The following TDRD9 variants were observed in gnomAD, a reference collection of about 807,000 sequenced individuals.
The protein encoded by TDRD9 is ATP-dependent RNA helicase TDRD9.
Under a neutral mutation model 172.6 loss-of-function variants are expected in TDRD9, and 124 were observed. The ratio of observed to expected loss-of-function variants is 0.72; its 90% confidence interval spans 0.62 to 0.83. The LOEUF is 0.83. Ranked by LOEUF, TDRD9 falls within the 40% of genes least tolerant of loss-of-function variation. The probability of loss-of-function intolerance (pLI) is 0.00; values close to 1 mark genes in which losing one functional copy is unlikely to be tolerated. For synonymous variants in TDRD9, 619 were observed against 617.1 expected (o/e 1.00, Z -0.05); for missense variants, 1,479 against 1,714.1 (o/e 0.86, Z 2.42).
At chr14:103,956,144 A>ATATATATATATATATATG (rs1178934138) in intron 2 of TDRD9, among the ~76,000 whole-genome samples, 17 of 80,864 alleles carry the variant, frequency 2.1e-4, no homozygotes, top group East Asian at 7.1e-4. Flanking sequence ...ATATATATAT[A>ATATATATATATATATATG]TATATAATTA....
intron 1 of TDRD9, among the ~76,000 whole-genome samples, chr14:103,943,294 A>G (rs768422646): frequency 2.6e-5 from 4 of 151,908 alleles, no homozygotes; most frequent in Non-Finnish European, 4.4e-5. Flanking sequence ...CCACAGGTGC[A>G]TGCTACGGCA....
At chr14:103,965,904 C>T (rs2032720893) in intron 4 of TDRD9, among the ~76,000 whole-genome samples, 1 of 151,860 alleles carries the variant, frequency 6.6e-6, no homozygotes, top group Admixed American at 6.6e-5. Flanking sequence ...AAGCTTGCGC[C>T]ACTGCACTCC....
intron 2 of TDRD9, among the ~76,000 whole-genome samples, chr14:103,961,142 A>G (rs1017880941): frequency 4.6e-5 from 7 of 152,200 alleles, no homozygotes; most frequent in African/African-American, 1.7e-4. Flanking sequence ...AAGAAGGCCT[A>G]GGTATATTAA....
chr14:104,004,266 C>T lies in TDRD9; in HGVS notation c.1512C>T (p.Tyr504=). The T allele has an allele frequency of 6.2e-7, 1 of 1,602,588 alleles. No individual in the cohort carries two copies. The change falls in exon 14 of 36, where the codon TAC becomes TAT. Residue 504 remains tyrosine, a synonymous_variant. Transcript: ENST00000409874. ...KGRAGRVSRG[Y]CYRLVHKDFW... ...GTGCTGGACGAGTGTCTAGAGGGTA[C>T]TGTTACCGGCTGGTACACAAGGATT...
intron 13 of TDRD9, among the ~76,000 whole-genome samples, chr14:104,001,471 G>T (rs1453836524): frequency 1.3e-5 from 2 of 152,200 alleles, no homozygotes; most frequent in African/African-American, 2.4e-5. Flanking sequence ...GACATTTGAG[G>T]TTTTTCCAAT....
At chr14:104,043,016 AT>A (rs2035655408) in intron 34 of TDRD9, among the ~76,000 whole-genome samples, 1 of 151,806 alleles carries the variant, frequency 6.6e-6, no homozygotes, top group Non-Finnish European at 1.5e-5. Flanking sequence ...ATATAAAAAT[AT>A]TTTTAATATT....
Position 103,956,144 on chromosome 14 carries a change from A to ATATATATATATATATG in TDRD9, c.322+380_322+381insTATATATATGTATATA, listed in dbSNP as rs1178934138. On this transcript the variant is annotated intron_variant, in intron 2 of 35. Coordinates refer to ENST00000409874, the MANE Select transcript of TDRD9 (RefSeq NM_153046.3). ...TATATATATATATATATATATATAT[A>ATATATATATATATATG]TATATAATTATTAGGCCAGGCGCAG... 5.3e-4 allele frequency among the ~76,000 whole-genome samples: 43 copies of ATATATATATATATATG among 80,862 alleles called. 1 individual carries two copies. The highest frequency in any genetic ancestry group is 2.1e-3 in the East Asian group (6 of 2,816). The allele number at this position is 80,862 out of a possible 152,430, so 53.0% of individuals were successfully genotyped here.
At chr14:103,952,729 CTTTTTTT>C (rs68192057) in intron 1 of TDRD9, among the ~76,000 whole-genome samples, 6 of 72,322 alleles carry the variant, frequency 8.3e-5, no homozygotes, top group African/African-American at 1.8e-4. Context: ...AATTCTCTCT[CTTTTTTT>C]TTTTTTTTTT....
Position 104,032,041 on chromosome 14 carries a change from C to G in TDRD9, c.3463C>G (p.Pro1155Ala), listed in dbSNP as rs1410120762. 1.0e-5 allele frequency: 16 copies of G among 1,548,904 alleles called. No individual in the cohort carries two copies. Among genetic ancestry groups the G allele is most frequent in the Non-Finnish European group, 1.0e-5 (12 of 1,146,220 alleles). ...CKAELHGPFNPYELKCHSLTR... is the reference protein window; with the variant it reads ...CKAELHGPFNAYELKCHSLTR... ...GGCAGAACTTCACGGGCCTTTTAAC[C>G]CTTATGAACTAAAGTGCCATAGTTT... Residue 1155 changes from proline to alanine, a missense_variant, in exon 30 of 36, where the codon CCT (proline) becomes GCT (alanine). Around this residue, in one of 3 missense-constraint regions of TDRD9, gnomAD observed 1,413 missense variants for 1,649.1 expected, o/e 0.86. Transcript: ENST00000409874.
At chr14:103,941,603 A>G in intron 1 of TDRD9, 1 of 1,535,176 alleles carries the variant, frequency 6.5e-7, no homozygotes. Context: ...TTAATTCCCG[A>G]AGCAGAGTCT....
chr14:103,959,456 G>GTGTA (rs1491467601), intron 2 of TDRD9, among the ~76,000 whole-genome samples: 1 of 10,164 alleles, frequency 9.8e-5, no homozygotes, highest in African/African-American at 2.2e-4. Flanking sequence ...TCAGGTTATC[G>GTGTA]TGTGTGTGTG....
chr14:103,980,167 G>A lies in TDRD9; in HGVS notation c.1011+4614G>A, dbSNP rs2033416613. ...TTTCTCCCCGTGTGCAGAGATGAGA[G>A]ATTGTAGAAATAAAGACACAAGACA... On this transcript the variant is annotated intron_variant, in intron 7 of 35. Coordinates refer to ENST00000409874, the MANE Select transcript of TDRD9 (RefSeq NM_153046.3). This position sits in a 1 kb window ranked among gnomAD's most constrained non-coding sequence, Gnocchi z 4.5. Among the ~76,000 whole-genome samples the A allele has an allele frequency of 6.6e-6, 1 of 152,148 alleles. No homozygotes were observed. The highest frequency in any genetic ancestry group is 6.5e-5 in the Admixed American group (1 of 15,268).
intron 9 of TDRD9, among the ~76,000 whole-genome samples, chr14:103,992,562 C>T (rs1362571898): frequency 6.6e-6 from 1 of 152,124 alleles, no homozygotes; most frequent in Non-Finnish European, 1.5e-5. Context: ...GGCTTAAGAA[C>T]ACCTAACATG....
Position 103,994,371 on chromosome 14 carries a change from G to T in TDRD9, c.1220G>T (p.Ser407Ile), listed in dbSNP as rs532840789. ...AATTATATGCATGAACTTCTCACAAGCCTGGTTCATAAAAGGTATGTTGAA... is the reference window on the plus strand; with the variant it reads ...AATTATATGCATGAACTTCTCACAATCCTGGTTCATAAAAGGTATGTTGAA... ...EINYMHELLT[S>I]LVHKRLQVYP... is the part of the protein sequence containing the mutation. Residue 407 changes from serine (S) to isoleucine (I), a missense_variant, in exon 10 of 36, where the codon AGC (serine) becomes ATC (isoleucine). Ser to Ile is a moderately radical substitution (Grantham distance 142). Transcript: ENST00000409874. 3 of 1,613,626 alleles carry T rather than the reference G, an allele frequency of 1.9e-6. 1 individual carries two copies. The South Asian group carries it at 3.3e-5, about 18-fold the overall frequency.
At chr14:103,999,258 G>T (rs1466446072) in intron 13 of TDRD9, among the ~76,000 whole-genome samples, 2 of 152,058 alleles carry the variant, frequency 1.3e-5, no homozygotes, top group South Asian at 2.1e-4. Flanking sequence ...TGTACATAAT[G>T]GATAAACCCC....
intron 1 of TDRD9, among the ~76,000 whole-genome samples, chr14:103,952,144 A>G (rs12889675): frequency 1.7e-5 from 2 of 118,780 alleles, no homozygotes; most frequent in African/African-American, 5.9e-5. Context: ...ATATATATAT[A>G]TGTATATACG....
At chr14:104,030,834 GA>G in intron 28 of TDRD9, among the ~76,000 whole-genome samples, 1 of 152,164 alleles carries the variant, frequency 6.6e-6, no homozygotes, top group Admixed American at 6.5e-5. Context: ...GTTGTGGGGT[GA>G]GGGGAGAGGG....
At position 103,952,729 on chromosome 14, in the gene TDRD9, CTTTTTT is replaced by C. The variant is rs68192057; in HGVS notation, c.216-2914_216-2909del. Among the ~76,000 whole-genome samples the C allele has an allele frequency of 1.7e-4, 12 of 72,320 alleles. No individual in the cohort carries two copies. The East Asian group carries it at 3.5e-3, about 21-fold the overall frequency. 47.4% of individuals were successfully genotyped at this position (72,320 alleles called of 152,430 possible). On this transcript the variant is annotated intron_variant, in intron 1 of 35. Coordinates refer to ENST00000409874, the MANE Select transcript of TDRD9 (RefSeq NM_153046.3). The stretch of plus-strand genomic sequence containing the variant: ...TTAGTGATTTATAGGAATTCTCTCT[CTTTTTT>C]TTTTTTTTTTTTTTTTTTTTAAAGA...
chr14:104,023,779 C>T (rs1030968009), intron 24 of TDRD9, among the ~76,000 whole-genome samples: 2 of 152,200 alleles, frequency 1.3e-5, no homozygotes. Context: ...TGGTTTCACC[C>T]AGTGTGTGAC....
Sources: gnomAD v4.1 joint callset for allele counts (sites outside exome capture counted in the v4.1 genomes callset) on GRCh38, gnomAD v4.1.1 for gene constraint, gnomAD v4.1.1 regional missense constraint, Gnocchi (gnomAD v3.1) non-coding constraint, MANE v1.5 for transcripts, NCBI Gene and HGNC (gene_info 2026-07-23, HGNC 2026-07-21) for gene names.